Variants in GPC5 observed in about 807,000 individuals in gnomAD.
The protein encoded by GPC5 is glypican-5.
A neutral mutation model predicts 53.9 loss-of-function variants in GPC5; 47 were observed. The observed-to-expected ratio is 0.87, with a 90% CI of 0.69 to 1.11. The LOEUF (loss-of-function observed/expected upper bound fraction) is 1.11. GPC5 is among the 50% of genes most tolerant of loss of function. The probability of loss-of-function intolerance (pLI) is 0.00; values close to 1 mark genes in which losing one functional copy is unlikely to be tolerated. For synonymous variants in GPC5, 286 were observed against 263.3 expected (o/e 1.09, Z -0.84); for missense variants, 748 against 713.1 (o/e 1.05, Z -0.56).
intron 7 of GPC5, among the ~76,000 whole-genome samples, chr13:92,415,557 T>C (rs372588347): frequency 3.5e-4 from 54 of 152,254 alleles, no homozygotes; most frequent in African/African-American, 1.3e-3. Flanking sequence ...CAGGTAATAT[T>C]ATGAGTAGCA....
At chr13:92,613,467 TTA>T (rs1288407617) in intron 7 of GPC5, among the ~76,000 whole-genome samples, 6 of 95,052 alleles carry the variant, frequency 6.3e-5, no homozygotes, top group East Asian at 2.9e-4. Context: ...TAAATATGTA[TTA>T]TATAATTTAT....
intron 7 of GPC5, among the ~76,000 whole-genome samples, chr13:92,558,834 G>T (rs1882593593): frequency 6.6e-6 from 1 of 151,910 alleles, no homozygotes; most frequent in Non-Finnish European, 1.5e-5. Context: ...CTCACCACAT[G>T]CAGGCAATGA....
intron 5 of GPC5, among the ~76,000 whole-genome samples, chr13:91,842,704 CAAAAAAA>C (rs58660493): frequency 3.4e-5 from 2 of 58,838 alleles, no homozygotes; most frequent in African/African-American, 7.5e-5. Flanking sequence ...GACTCCGTCT[CAAAAAAA>C]AAAAAAAAAA....
chr13:92,256,977 C>A (rs916729086), intron 7 of GPC5, among the ~76,000 whole-genome samples: 10 of 151,990 alleles, frequency 6.6e-5, no homozygotes, highest in African/African-American at 2.2e-4. Context: ...CTCTTCCCAG[C>A]CACTGGCATC....
intron 6 of GPC5, among the ~76,000 whole-genome samples, chr13:91,941,543 C>T (rs144702544): frequency 3.9e-5 from 6 of 152,216 alleles, no homozygotes; most frequent in African/African-American, 1.4e-4. Flanking sequence ...ACATTCTCCT[C>T]CATGTGGCCT....
At chr13:92,534,009 T>G (rs1463415562) in intron 7 of GPC5, among the ~76,000 whole-genome samples, 1 of 152,132 alleles carries the variant, frequency 6.6e-6, no homozygotes, top group Non-Finnish European at 1.5e-5. Flanking sequence ...GAAAGAGACC[T>G]GATGAGGTGG....
chr13:92,703,336 C>T (rs1033826551), intron 7 of GPC5, among the ~76,000 whole-genome samples: 37 of 151,404 alleles, frequency 2.4e-4, no homozygotes, highest in African/African-American at 6.5e-4. Flanking sequence ...AATCTTTATC[C>T]TTAACTGTAG....
intron 7 of GPC5, among the ~76,000 whole-genome samples, chr13:92,347,340 T>G (rs2043421762): frequency 6.6e-6 from 1 of 152,140 alleles, no homozygotes; most frequent in Non-Finnish European, 1.5e-5. Context: ...ATCAGCAGAT[T>G]TCTCAGGAGA....
chr13:91,585,328 A>T (rs2032521048), intron 2 of GPC5, among the ~76,000 whole-genome samples: 1 of 152,190 alleles, frequency 6.6e-6, no homozygotes, highest in Admixed American at 6.5e-5. Context: ...GAAGACTAAG[A>T]GAGATGTAAA....
chr13:91,574,897 T>A (rs2032076189), intron 2 of GPC5, among the ~76,000 whole-genome samples: 1 of 152,126 alleles, frequency 6.6e-6, no homozygotes. Flanking sequence ...ATCGTTAGAG[T>A]TCTGTAGGTT....
intron 7 of GPC5, among the ~76,000 whole-genome samples, chr13:92,221,071 C>A (rs1337342843): frequency 6.6e-6 from 1 of 152,100 alleles, no homozygotes; most frequent in Non-Finnish European, 1.5e-5. Context: ...GCCTTCTGCT[C>A]AAACAGGAGA....
At chr13:92,537,064 A>G (rs1446608143) in intron 7 of GPC5, among the ~76,000 whole-genome samples, 1 of 152,102 alleles carries the variant, frequency 6.6e-6, no homozygotes. Flanking sequence ...GGGGTATTCT[A>G]AGAACTGTTA....
chr13:92,740,950 A>G, intron 7 of GPC5, among the ~76,000 whole-genome samples: 1 of 134,634 alleles, frequency 7.4e-6, no homozygotes, highest in East Asian at 5.3e-4. Flanking sequence ...GTGTGTATAT[A>G]TATGTATGTG....
At chr13:92,166,941 C>CTCTCTCTCTCTCTCTCTA (rs2042032857) in intron 7 of GPC5, among the ~76,000 whole-genome samples, 1 of 111,722 alleles carries the variant, frequency 9.0e-6, no homozygotes, top group Non-Finnish European at 1.9e-5. Context: ...CTCTCTCTCT[C>CTCTCTCTCTCTCTCTCTA]TCTCTCTCTC....
Position 92,848,055 on chromosome 13 carries a change from C to G in GPC5, c.1562-18227C>G, listed in dbSNP as rs188454496. On this transcript the variant is annotated intron_variant, in intron 7 of 7. Coordinates refer to ENST00000377067, the MANE Select transcript of GPC5 (RefSeq NM_004466.6). ...GACGCCCTGCCGTAGAACTGAGAGT[C>G]AGGAGGCTGGCATGTTATTTCTGGC... 2.1e-3 allele frequency among the ~76,000 whole-genome samples: 317 copies of G among 152,286 alleles called. 2 individuals carry two copies. Among genetic ancestry groups the G allele is most frequent in the African/African-American group, 7.0e-3 (291 of 41,566 alleles).
intron 5 of GPC5, among the ~76,000 whole-genome samples, chr13:91,905,760 G>T (rs1309911887): frequency 6.6e-6 from 1 of 151,980 alleles, no homozygotes; most frequent in Non-Finnish European, 1.5e-5. Context: ...TATGGATAGT[G>T]CAATACTCTG....
intron 7 of GPC5, among the ~76,000 whole-genome samples, chr13:92,600,007 G>A (rs11839987): frequency 0.014 from 2,202 of 152,226 alleles, 62 homozygotes; most frequent in African/African-American, 0.05. Flanking sequence ...GGTGACTTAC[G>A]GGATATAGTG....
At chr13:92,123,369 AC>A (rs2041666912) in intron 6 of GPC5, among the ~76,000 whole-genome samples, 4 of 152,200 alleles carry the variant, frequency 2.6e-5, no homozygotes, top group Non-Finnish European at 5.9e-5. Context: ...GACATTTATA[AC>A]AGGAGTACTT....
At chr13:92,777,984 C>G (rs913862443) in intron 7 of GPC5, among the ~76,000 whole-genome samples, 3 of 152,164 alleles carry the variant, frequency 2.0e-5, no homozygotes, top group African/African-American at 7.2e-5. Context: ...AAAAATATTT[C>G]TGACAATGTG....
Sources: gnomAD v4.1 joint callset for allele counts (sites outside exome capture counted in the v4.1 genomes callset) on GRCh38, gnomAD v4.1.1 for gene constraint, MANE v1.5 for transcripts, NCBI Gene and HGNC (gene_info 2026-07-23, HGNC 2026-07-21) for gene names.